Variants in LSAMP observed in about 807,000 individuals in gnomAD.
LSAMP encodes the protein limbic system associated membrane protein.
In LSAMP, 7 loss-of-function variants were observed where a neutral mutation model predicts 38.6. The ratio of observed to expected loss-of-function variants is 0.18; its 90% CI spans 0.10 to 0.34. The LOEUF is 0.34. LSAMP is among the 10% of genes least tolerant of loss of function. The pLI is 1.00. For missense variants in LSAMP, 313 were observed against 420.0 expected, an observed-to-expected ratio of 0.75 and a Z score of 2.23; for synonymous variants, 154 against 166.8, an observed-to-expected ratio of 0.92 and a Z score of 0.59.
chr3:115,872,702 A>T (rs1936077444), intron 3 of LSAMP, among the ~76,000 whole-genome samples: 1 of 152,152 alleles, frequency 6.6e-6, no homozygotes, highest in Non-Finnish European at 1.5e-5. Context: ...TTCTCACGTG[A>T]ATTATATTAT....
chr3:115,853,977 C>T (rs1462802649), intron 3 of LSAMP, among the ~76,000 whole-genome samples: 3 of 152,238 alleles, frequency 2.0e-5, no homozygotes, highest in African/African-American at 7.2e-5. Context: ...CAAATTTACT[C>T]TAAATATGTC....
chr3:116,188,228 G>A (rs1420521774), intron 1 of LSAMP, among the ~76,000 whole-genome samples: 1 of 152,056 alleles, frequency 6.6e-6, no homozygotes, highest in East Asian at 1.9e-4. Context: ...CTATGTATAA[G>A]GAAAAGCAGA....
chr3:115,940,859 G>C (rs903869671), intron 3 of LSAMP, among the ~76,000 whole-genome samples: 7 of 152,218 alleles, frequency 4.6e-5, no homozygotes, highest in Middle Eastern at 3.4e-3. Context: ...TTTGAAATCA[G>C]GGACTGTGAT....
rs142045649 is a variant in LSAMP at position 116,009,386 on chromosome 3, C to T, written c.514+10129G>A. 2.3e-3 allele frequency among the ~76,000 whole-genome samples: 357 copies of T among 152,192 alleles called. 2 individuals are homozygous for T. Among genetic ancestry groups the T allele is most frequent in the African/African-American group, 8.1e-3 (338 of 41,544 alleles). Reference sequence around the variant, plus strand: ...TCTTCAGATCATTTCCTAGCACCGTCGTAACAGAAGTCCTTCCAATCGTCT... The same window carrying T: ...TCTTCAGATCATTTCCTAGCACCGTTGTAACAGAAGTCCTTCCAATCGTCT... On this transcript the variant is annotated intron_variant, in intron 3 of 6. Coordinates refer to ENST00000490035, the MANE Select transcript of LSAMP (RefSeq NM_002338.5).
intron 1 of LSAMP, among the ~76,000 whole-genome samples, chr3:116,104,562 C>T (rs1708419393): frequency 6.6e-6 from 1 of 152,146 alleles, no homozygotes; most frequent in Admixed American, 6.5e-5. Flanking sequence ...CTGACCCTTT[C>T]TATTATATCA....
At chr3:115,900,925 G>A (rs1301258852) in intron 3 of LSAMP, among the ~76,000 whole-genome samples, 1 of 152,058 alleles carries the variant, frequency 6.6e-6, no homozygotes, top group Non-Finnish European at 1.5e-5. Context: ...TCATTTATTT[G>A]GAAGTATTCT....
intron 3 of LSAMP, among the ~76,000 whole-genome samples, chr3:115,950,798 CAAAAAAAAAAAA>C (rs56179163): frequency 1.3e-4 from 11 of 86,692 alleles, no homozygotes; most frequent in African/African-American, 5.2e-4. Context: ...CAAGACTTAG[CAAAAAAAAAAAA>C]AAAAAAAAAA....
intron 1 of LSAMP, among the ~76,000 whole-genome samples, chr3:116,212,847 C>A (rs2046175929): frequency 6.6e-6 from 1 of 152,126 alleles, no homozygotes; most frequent in South Asian, 2.1e-4. Flanking sequence ...GGGATGGGAG[C>A]AGTAGACCAC....
intron 1 of LSAMP, among the ~76,000 whole-genome samples, chr3:116,101,148 C>G (rs755473135): frequency 2.0e-5 from 3 of 152,164 alleles, no homozygotes; most frequent in Non-Finnish European, 4.4e-5. Context: ...ACATGGGAGT[C>G]TTTTGCCTCT....
At chr3:116,317,619 C>A (rs183077287) in intron 1 of LSAMP, among the ~76,000 whole-genome samples, 248 of 151,682 alleles carry the variant, frequency 1.6e-3, no homozygotes, top group African/African-American at 5.7e-3. Context: ...CCTCCCAAAG[C>A]GCTGGGATTA....
At chr3:116,438,060 CAAAA>C (rs10637606) in intron 1 of LSAMP, among the ~76,000 whole-genome samples, 2 of 126,320 alleles carry the variant, frequency 1.6e-5, no homozygotes, top group South Asian at 2.5e-4. Flanking sequence ...CAGGTAACTA[CAAAA>C]AAAAAAAAAA....
intron 3 of LSAMP, among the ~76,000 whole-genome samples, chr3:115,944,031 C>G (rs1174190671): frequency 3.9e-5 from 6 of 152,148 alleles, no homozygotes; most frequent in African/African-American, 1.2e-4. Context: ...ATTTACAATG[C>G]AGCATTAAAA....
At chr3:116,435,718 T>A (rs2049341123) in intron 1 of LSAMP, among the ~76,000 whole-genome samples, 1 of 152,140 alleles carries the variant, frequency 6.6e-6, no homozygotes, top group Admixed American at 6.5e-5. Flanking sequence ...GGGAAAAAAG[T>A]TCTGCCTTCC....
At chr3:115,919,683 C>T (rs951529196) in intron 3 of LSAMP, among the ~76,000 whole-genome samples, 3 of 152,284 alleles carry the variant, frequency 2.0e-5, no homozygotes, top group Admixed American at 6.5e-5. Flanking sequence ...GCGATCTTGG[C>T]TCACTGCAAC....
intron 2 of LSAMP, among the ~76,000 whole-genome samples, chr3:116,076,414 C>T (rs145782802): frequency 0.013 from 1,991 of 152,124 alleles, 45 homozygotes; most frequent in African/African-American, 0.044. Context: ...CCCGCCACCA[C>T]GCCCAGCTAA....
chr3:115,922,359 T>C (rs574198424), intron 3 of LSAMP, among the ~76,000 whole-genome samples: 1 of 152,234 alleles, frequency 6.6e-6, no homozygotes, highest in East Asian at 1.9e-4. Flanking sequence ...AATCTACTAT[T>C]GACTATCTCT....
At chr3:116,423,945 G>C (rs995071510) in intron 1 of LSAMP, among the ~76,000 whole-genome samples, 39 of 152,100 alleles carry the variant, frequency 2.6e-4, no homozygotes, top group Admixed American at 2.6e-3. Context: ...AAAAATTTAA[G>C]ACAAGAATGA....
chr3:116,312,283 G>T (rs930241495), intron 1 of LSAMP, among the ~76,000 whole-genome samples: 2 of 152,082 alleles, frequency 1.3e-5, no homozygotes, highest in Non-Finnish European at 2.9e-5. Context: ...CAGGTGAATC[G>T]GACAAAAAGG....
intron 1 of LSAMP, among the ~76,000 whole-genome samples, chr3:116,214,307 T>C (rs1465989550): frequency 6.6e-6 from 1 of 152,112 alleles, no homozygotes; most frequent in Non-Finnish European, 1.5e-5. Flanking sequence ...GTAGGTCAGG[T>C]CGTGTTCAAA....
Sources: allele counts gnomAD v4.1 joint callset (sites outside exome capture counted in the v4.1 genomes callset), GRCh38; gene constraint gnomAD v4.1.1; transcripts MANE v1.5; gene names NCBI Gene and HGNC (gene_info 2026-07-23, HGNC 2026-07-21).